Variants in CLK4 observed in about 807,000 individuals in gnomAD.
CLK4 encodes CDC like kinase 4.
CLK4 carries 37 observed loss-of-function variants against 64.4 expected under a neutral mutation model. The ratio of observed to expected loss-of-function variants is 0.57; its 90% CI spans 0.44 to 0.76. The LOEUF is 0.76. Among genes scored for constraint, CLK4 ranks in the 30% least tolerant of loss-of-function variants. The pLI, the probability that CLK4 is intolerant of heterozygous loss-of-function variation, is 0.00. For synonymous variants in CLK4, 175 were observed against 191.6 expected (o/e 0.91, Z 0.72); for missense variants, 457 against 605.1 (o/e 0.76, Z 2.57).
chr5:178,604,570 T>C (rs562215310), intron 11 of CLK4: 1 of 152,214 alleles, frequency 6.6e-6, no homozygotes, highest in African/African-American at 2.4e-5. Flanking sequence ...GGATGATGGT[T>C]TGGAATCAAA....
intron 9 of CLK4, among the ~76,000 whole-genome samples, chr5:178,610,998 G>A (rs1764549430): frequency 1.3e-5 from 2 of 151,716 alleles, no homozygotes; most frequent in African/African-American, 2.4e-5. Flanking sequence ...GCGCGAACCT[G>A]GGAGGTGGAG....
chr5:178,605,428 C>A, intron 10 of CLK4, 46 bp from the exon 11 acceptor site: 1 of 1,112,786 alleles, frequency 9.0e-7, no homozygotes, highest in Non-Finnish European at 1.3e-6. Flanking sequence ...CATTTCCCTA[C>A]AAACACATTA....
chr5:178,624,879 AC>A (rs771361307), intron 1 of CLK4, among the ~76,000 whole-genome samples: 2 of 152,230 alleles, frequency 1.3e-5, no homozygotes, highest in African/African-American at 2.4e-5. Context: ...AGTATGTGTC[AC>A]GCCATCAGAG....
At chr5:178,613,880 C>A (rs766091659) in intron 5 of CLK4, 37 bp from the exon 6 acceptor site, 110 of 1,469,816 alleles carry the variant, frequency 7.5e-5, no homozygotes, top group South Asian at 4.3e-4. Flanking sequence ...GATAAATGTA[C>A]AAGAGTGAGC....
At chr5:178,619,091 GCTGT>G in intron 2 of CLK4, among the ~76,000 whole-genome samples, 1 of 152,124 alleles carries the variant, frequency 6.6e-6, no homozygotes, top group South Asian at 2.1e-4. Context: ...CTGTATCTAA[GCTGT>G]CTTAGTCTCT....
At position 178,603,900 on chromosome 5, in the gene CLK4, A is replaced by G; in HGVS notation, c.1249T>C (p.Trp417Arg). 6.2e-7 allele frequency: 1 copy of G among 1,610,270 alleles called. No homozygotes were observed. Among genetic ancestry groups the G allele is most frequent in the Non-Finnish European group, 8.5e-7 (1 of 1,179,004 alleles). Residue 417 changes from tryptophan to arginine, a missense_variant, in exon 12 of 13, where the codon TGG (tryptophan) becomes CGG (arginine). Trp to Arg is a moderately radical substitution (Grantham distance 101, BLOSUM62 -3). Transcript: ENST00000316308. ...CTACCAGCAGAACTGTGTTCATCCC[A>G]ATCTAGCTGGTTATGGTGAAAATAC... is the stretch of plus-strand genomic sequence containing the variant. ...RKYFHHNQLD[W>R]DEHSSAGRYV...
In CLK4 at chr5:178,616,934, T is replaced by C. The variant is rs199959394; in HGVS notation, c.490A>G (p.Thr164Ala). The part of the protein sequence containing the change: ...VLRARYEIVD[T>A]LGEGAFGKVV... ...TTGCCAAAGGCTCCTTCACCCAAAG[T>C]GTCCACGATTTCATCTAGAGTGAGG... is the stretch of plus-strand genomic sequence containing the variant. The change falls in exon 5 of 13, where the codon ACT becomes GCT. Residue 164 changes from threonine to alanine, a missense_variant. By Grantham distance (58) the Thr-to-Ala change is moderately conservative. Transcript: ENST00000316308. 5 of 1,613,254 alleles carry C rather than the reference T, an allele frequency of 3.1e-6. No individual in the cohort carries two copies. The East Asian group carries it at 6.7e-5, about 22-fold the overall frequency.
chr5:178,604,493 T>C (rs573520086), intron 11 of CLK4: 1 of 151,414 alleles, frequency 6.6e-6, no homozygotes, highest in Admixed American at 6.6e-5. Flanking sequence ...TTTTGTTTAC[T>C]AGATCAGTGG....
chr5:178,625,838 C>A (rs1445806665), intron 1 of CLK4, among the ~76,000 whole-genome samples: 1 of 152,212 alleles, frequency 6.6e-6, no homozygotes, highest in East Asian at 1.9e-4. Context: ...CTCCCCCACT[C>A]ACCCTGCAAT....
intron 9 of CLK4, among the ~76,000 whole-genome samples, chr5:178,609,453 C>A (rs370479253): frequency 3.9e-5 from 6 of 151,976 alleles, no homozygotes; most frequent in Non-Finnish European, 7.4e-5. Context: ...GAGGCCGAGG[C>A]GGGTGGATCA....
intron 9 of CLK4, among the ~76,000 whole-genome samples, chr5:178,609,400 G>C (rs1385887993): frequency 6.6e-6 from 1 of 152,148 alleles, no homozygotes; most frequent in Admixed American, 6.5e-5. Flanking sequence ...AATAGAGCAT[G>C]GGCCAGGCGC....
chr5:178,612,589 T>C (rs765519971), intron 8 of CLK4, 44 bp from the exon 9 acceptor site: 1 of 1,593,668 alleles, frequency 6.3e-7, no homozygotes, highest in Non-Finnish European at 8.6e-7. Flanking sequence ...AATAGATACA[T>C]TTTATAGCGC....
rs1764660560 is a variant in CLK4 at position 178,618,574 on chromosome 5, T to G, written c.366A>C (p.Ser122=). Residue 122 remains serine, a synonymous_variant, in exon 3 of 13, where the codon TCA becomes TCC. Transcript: ENST00000316308. ...SPKRKRNRHC[S]SHQSRSKSHR... ...ATCATACCGAACGTGACTGATGACTTGAACAGTGTCTATTGCGCTTCCTTT... is the reference window on the plus strand; with the variant it reads ...ATCATACCGAACGTGACTGATGACTGGAACAGTGTCTATTGCGCTTCCTTT... 2 of 1,613,792 alleles carry G rather than the reference T, an allele frequency of 1.2e-6. No homozygotes were observed. Among genetic ancestry groups the G allele is most frequent in the Non-Finnish European group, 1.7e-6 (2 of 1,179,858 alleles).
intron 1 of CLK4, 62 bp from the exon 2 acceptor site, chr5:178,623,478 T>C: frequency 1.6e-6 from 2 of 1,283,062 alleles, no homozygotes; most frequent in South Asian, 2.1e-5. Flanking sequence ...TAAATTATTA[T>C]ATATTAATAT....
chr5:178,612,854 T>G lies in CLK4; in HGVS notation c.863A>C (p.Lys288Thr), dbSNP rs1764576088. Residue 288 changes from lysine to threonine, a missense_variant, in exon 8 of 13, where the codon AAG becomes ACG. Transcript: ENST00000316308. The stretch of plus-strand genomic sequence containing the variant: ...CTTCACAAACAAAATATTTTCAGGC[T>G]TCAGATCTGTATGGGTTAATTTATT... ...HHNKLTHTDL[K>T]PENILFVKSD... 1.9e-6 allele frequency: 3 copies of G among 1,573,250 alleles called. No individual in the cohort carries two copies. The highest frequency in any genetic ancestry group is 2.6e-6 in the Non-Finnish European group (3 of 1,145,226).
At chr5:178,625,981 C>CTAGA (rs1353470810) in intron 1 of CLK4, among the ~76,000 whole-genome samples, 1 of 152,196 alleles carries the variant, frequency 6.6e-6, no homozygotes, top group African/African-American at 2.4e-5. Context: ...ATCCCACATG[C>CTAGA]TAGAGTAGGT....
rs1349340729 is a variant in CLK4, at chr5:178,603,594, T to C, written c.*23A>G. 1.3e-6 allele frequency: 2 copies of C among 1,523,014 alleles called. No homozygotes were observed. The highest frequency in any genetic ancestry group is 4.5e-5 in the Admixed American group (2 of 44,598). 94.3% of individuals were successfully genotyped at this position (1,523,014 alleles called of 1,614,324 possible). On this transcript the variant is annotated 3_prime_UTR_variant, in exon 13 of 13. Transcript: ENST00000316308. ...AAGTAATCTCTTCTAGAGAAGTATA[T>C]AGTAAGACCACTGATTCCCATTTCA...
In CLK4 at chr5:178,619,903, G is replaced by T. The variant is rs1481856321; in HGVS notation, c.162-1125C>A. 5 of 692,474 alleles carry T rather than the reference G, an allele frequency of 7.2e-6. No homozygotes were observed. The East Asian group carries it at 2.0e-4, about 27-fold the overall frequency. The allele number at this position is 692,474 out of a possible 1,614,324, so 42.9% of individuals were successfully genotyped here. On this transcript the variant is annotated intron_variant, in intron 2 of 12. Coordinates refer to ENST00000316308, the MANE Select transcript of CLK4 (RefSeq NM_020666.3). The stretch of plus-strand genomic sequence containing the variant: ...GAGGGATGCACATGGAGCACTGAGG[G>T]AGAGAGGGGACACCTGCCCAGTCAG...
chr5:178,618,508 T>C (rs1764659441), intron 3 of CLK4, 48 bp downstream of exon 3: 1 of 1,263,204 alleles, frequency 7.9e-7, no homozygotes, highest in African/African-American at 1.5e-5. Flanking sequence ...TCGTTAAGAG[T>C]ACACACAAAT....
Sources: gnomAD v4.1 joint callset for allele counts (sites outside exome capture counted in the v4.1 genomes callset) on GRCh38, gnomAD v4.1.1 for gene constraint, MANE v1.5 for transcripts, NCBI Gene and HGNC (gene_info 2026-07-23, HGNC 2026-07-21) for gene names.